GRID1: variants seen among roughly 807,000 people sequenced by gnomAD.
The protein encoded by GRID1 is glutamate ionotropic receptor delta type subunit 1.
GRID1 carries 28 observed loss-of-function variants against 98.0 expected under a neutral mutation model. The observed-to-expected ratio is 0.29, with a 90% CI of 0.21 to 0.39. The LOEUF (loss-of-function observed/expected upper bound fraction) is 0.39. Ranked by LOEUF, GRID1 falls within the 10% of genes least tolerant of loss-of-function variation. GRID1 has a pLI of 1.00. For synonymous variants in GRID1, 553 were observed against 538.5 expected, an observed-to-expected ratio of 1.03 and a Z score of -0.37; for missense variants, 1,111 against 1,340.5, an observed-to-expected ratio of 0.83 and a Z score of 2.67.
intron 12 of GRID1, among the ~76,000 whole-genome samples, chr10:85,669,886 G>A (rs531652269): frequency 1.3e-5 from 2 of 152,342 alleles, no homozygotes; most frequent in African/African-American, 4.8e-5. Flanking sequence ...AGGGAAAGTA[G>A]ACTGCTCTGG....
chr10:86,269,908 C>G (rs1847159995), intron 2 of GRID1, among the ~76,000 whole-genome samples: 2 of 152,136 alleles, frequency 1.3e-5, no homozygotes, highest in African/African-American at 4.8e-5. Context: ...GGCACTAAGA[C>G]CCCCTGTAGG....
chr10:85,892,294 T>A (rs113192809), intron 5 of GRID1, among the ~76,000 whole-genome samples: 1 of 150,110 alleles, frequency 6.7e-6, no homozygotes, highest in African/African-American at 2.4e-5. Context: ...ATACAAGTCA[T>A]TCAAGTCCAT....
intron 8 of GRID1, among the ~76,000 whole-genome samples, chr10:85,755,227 C>G (rs982368908): frequency 2.6e-5 from 4 of 152,178 alleles, no homozygotes; most frequent in Non-Finnish European, 4.4e-5. Flanking sequence ...AACAAACCAC[C>G]CCCAAACCTA....
intron 2 of GRID1, among the ~76,000 whole-genome samples, chr10:86,296,836 AAT>A: frequency 6.6e-6 from 1 of 151,708 alleles, no homozygotes; most frequent in East Asian, 1.9e-4. Context: ...CATACATAAA[AAT>A]GATTATTCTA....
chr10:86,111,832 T>C (rs142870591), intron 4 of GRID1, among the ~76,000 whole-genome samples: 1,858 of 152,338 alleles, frequency 0.012, 40 homozygotes, highest in African/African-American at 0.043. Flanking sequence ...AGGTGCAGCC[T>C]TAACCTGCTG....
At chr10:86,039,766 G>A (rs954829452) in intron 4 of GRID1, among the ~76,000 whole-genome samples, 1 of 152,180 alleles carries the variant, frequency 6.6e-6, no homozygotes, top group Non-Finnish European at 1.5e-5. Flanking sequence ...TCCATTTTTG[G>A]TCTCAGCTCC....
intron 4 of GRID1, among the ~76,000 whole-genome samples, chr10:86,037,122 G>A (rs530084979): frequency 3.3e-5 from 5 of 152,268 alleles, no homozygotes; most frequent in African/African-American, 7.2e-5. Context: ...AATGGGGCTC[G>A]AGGTAGCTAG....
intron 4 of GRID1, among the ~76,000 whole-genome samples, chr10:86,024,628 G>A (rs1324685925): frequency 6.6e-6 from 1 of 152,190 alleles, no homozygotes; most frequent in Admixed American, 6.5e-5. Flanking sequence ...CCCCCCAAAA[G>A]TTAGTTTCCC....
intron 4 of GRID1, among the ~76,000 whole-genome samples, chr10:86,044,414 G>A (rs1227307518): frequency 1.3e-5 from 2 of 152,142 alleles, no homozygotes; most frequent in Non-Finnish European, 1.5e-5. Context: ...CTTTTTGCTG[G>A]TCTTTCTGCA....
chr10:86,359,645 A>T (rs920459236), intron 2 of GRID1, among the ~76,000 whole-genome samples: 2 of 152,210 alleles, frequency 1.3e-5, no homozygotes, highest in Non-Finnish European at 2.9e-5. Flanking sequence ...ATCCTTCCAC[A>T]CTGCGACAGG....
intron 4 of GRID1, among the ~76,000 whole-genome samples, chr10:86,114,603 T>A (rs549196206): frequency 3.9e-5 from 6 of 152,108 alleles, no homozygotes; most frequent in Non-Finnish European, 5.9e-5. Flanking sequence ...GCAGCTCCCC[T>A]CAGACTGCAG....
Position 86,039,042 on chromosome 10 carries a change from A to T in GRID1, c.726+99777T>A, listed in dbSNP as rs1002872045. Among the ~76,000 whole-genome samples, 5 of 152,124 alleles carry T rather than the reference A, an allele frequency of 3.3e-5. No homozygotes were observed. The East Asian group carries it at 9.6e-4, about 29-fold the overall frequency. ...TCTTCCACCTCTACGGTATATCCCT[A>T]CCACCACTTCTTTCCTTTAGGTCTT... On this transcript the variant is annotated intron_variant, in intron 4 of 15. Coordinates refer to ENST00000327946, the MANE Select transcript of GRID1 (RefSeq NM_017551.3).
chr10:86,100,463 G>C (rs1051367011), intron 4 of GRID1, among the ~76,000 whole-genome samples: 18 of 152,066 alleles, frequency 1.2e-4, no homozygotes, highest in African/African-American at 4.3e-4. Context: ...ACACTCCAGT[G>C]AGTGGAAGAC....
chr10:86,072,904 C>T (rs946925105), intron 4 of GRID1, among the ~76,000 whole-genome samples: 4 of 152,178 alleles, frequency 2.6e-5, no homozygotes, highest in African/African-American at 9.7e-5. Flanking sequence ...AGATGAAATG[C>T]TTTTTAATTC....
chr10:85,947,193 C>G (rs1303171992), intron 4 of GRID1, among the ~76,000 whole-genome samples: 1 of 152,118 alleles, frequency 6.6e-6, no homozygotes, highest in Non-Finnish European at 1.5e-5. Flanking sequence ...TTAAGTTCCG[C>G]TGCAGTCAAA....
chr10:86,006,397 G>A (rs1399361101), intron 4 of GRID1, among the ~76,000 whole-genome samples: 1 of 152,184 alleles, frequency 6.6e-6, no homozygotes, highest in Non-Finnish European at 1.5e-5. Context: ...GAGGTGAGCG[G>A]ATCATGAGGT....
intron 2 of GRID1, among the ~76,000 whole-genome samples, chr10:86,291,180 G>C (rs1013305699): frequency 6.6e-6 from 1 of 152,220 alleles, no homozygotes; most frequent in Non-Finnish European, 1.5e-5. Flanking sequence ...GACCTGTGGC[G>C]GGGGGTGGAA....
At chr10:85,671,157 T>C (rs1841080690) in intron 12 of GRID1, among the ~76,000 whole-genome samples, 1 of 152,228 alleles carries the variant, frequency 6.6e-6, no homozygotes, top group African/African-American at 2.4e-5. Context: ...TTTTCATTTC[T>C]ACTGACACTC....
chr10:86,139,790 AC>A (rs1474563339), intron 3 of GRID1, among the ~76,000 whole-genome samples: 3 of 152,036 alleles, frequency 2.0e-5, no homozygotes, highest in African/African-American at 7.2e-5. Context: ...GGCACAAACC[AC>A]CCAGGGATGG....
Sources: allele counts gnomAD v4.1 joint callset (sites outside exome capture counted in the v4.1 genomes callset), GRCh38; gene constraint gnomAD v4.1.1; transcripts MANE v1.5; gene names NCBI Gene and HGNC (gene_info 2026-07-23, HGNC 2026-07-21).